The following NLGN1 variants were observed in gnomAD, a reference collection of about 807,000 sequenced individuals.
NLGN1 encodes neuroligin 1.
Under a neutral mutation model 65.5 loss-of-function variants are expected in NLGN1, and 12 were observed. That is an observed-to-expected ratio of 0.18 (90% CI 0.12 to 0.30). The LOEUF (loss-of-function observed/expected upper bound fraction) is 0.30. NLGN1 is among the 10% of genes least tolerant of loss of function. NLGN1 has a pLI of 1.00. For synonymous variants in NLGN1, 350 were observed against 359.5 expected, an observed-to-expected ratio of 0.97 and a Z score of 0.30; for missense variants, 750 against 1,007.1, an observed-to-expected ratio of 0.74 and a Z score of 3.46.
intron 3 of NLGN1, among the ~76,000 whole-genome samples, chr3:173,635,608 A>T (rs1756452446): frequency 6.6e-6 from 1 of 152,140 alleles, no homozygotes; most frequent in Non-Finnish European, 1.5e-5. Context: ...TTTGGAAATA[A>T]ATGATCACCC....
At chr3:173,435,611 C>T (rs1236807090) in intron 2 of NLGN1, among the ~76,000 whole-genome samples, 1 of 152,040 alleles carries the variant, frequency 6.6e-6, no homozygotes, top group Non-Finnish European at 1.5e-5. Flanking sequence ...GAGGTGGGGG[C>T]ATATCACGAG....
At chr3:173,603,837 C>T (rs1258916242) in intron 2 of NLGN1, among the ~76,000 whole-genome samples, 1 of 152,022 alleles carries the variant, frequency 6.6e-6, no homozygotes, top group Admixed American at 6.6e-5. Flanking sequence ...CCAATGCATA[C>T]AATCATTCTT....
At chr3:173,464,029 T>A (rs1332969547) in intron 2 of NLGN1, among the ~76,000 whole-genome samples, 2 of 152,058 alleles carry the variant, frequency 1.3e-5, no homozygotes, top group African/African-American at 4.8e-5. Context: ...TCCTCAATCA[T>A]TTCTAAAGTC....
At chr3:173,926,155 T>A (rs183149810) in intron 4 of NLGN1, among the ~76,000 whole-genome samples, 1 of 152,040 alleles carries the variant, frequency 6.6e-6, no homozygotes, top group East Asian at 1.9e-4. Context: ...TAACTTTAAA[T>A]AGTATTTTTT....
chr3:173,415,940 G>C (rs1302141171), intron 1 of NLGN1, among the ~76,000 whole-genome samples: 1 of 140,236 alleles, frequency 7.1e-6, no homozygotes, highest in Non-Finnish European at 1.6e-5. Flanking sequence ...GAGAGAGAGA[G>C]AGAGCTTGGT....
intron 4 of NLGN1, among the ~76,000 whole-genome samples, chr3:174,142,286 A>G (rs1014700347): frequency 3.9e-5 from 6 of 152,208 alleles, no homozygotes; most frequent in African/African-American, 1.2e-4. Flanking sequence ...ATAATTCACT[A>G]TATGAATTCA....
intron 2 of NLGN1, among the ~76,000 whole-genome samples, chr3:173,470,184 A>T (rs1560299268): frequency 6.6e-6 from 1 of 152,058 alleles, no homozygotes; most frequent in Admixed American, 6.6e-5. Flanking sequence ...TTTTTTAAAC[A>T]GAGAAATCTC....
rs77092325 is a variant in NLGN1, at chr3:174,044,748, T to C, written c.647-230567T>C. ...ACTGTGTCCCCTTCCAAATCTCATATTGATTCGTAGTTCCCATAATCCCTA... is the reference window on the plus strand; with the variant it reads ...ACTGTGTCCCCTTCCAAATCTCATACTGATTCGTAGTTCCCATAATCCCTA... On this transcript the variant is annotated intron_variant, in intron 4 of 6. Coordinates refer to ENST00000457714, the Ensembl canonical transcript of NLGN1. 1.6e-3 allele frequency among the ~76,000 whole-genome samples: 247 copies of C among 152,256 alleles called. 3 individuals are homozygous for C. Among genetic ancestry groups the C allele is most frequent in the East Asian group, 0.013 (67 of 5,174 alleles).
At chr3:173,398,063 G>A (rs1463715222), upstream of NLGN1, 1 of 152,300 alleles carries the variant, frequency 6.6e-6, no homozygotes, top group East Asian at 1.9e-4. Flanking sequence ...TCGGCTGAGA[G>A]GTACAAAAGA....
intron 4 of NLGN1, among the ~76,000 whole-genome samples, chr3:173,924,939 T>G (rs980722317): frequency 2.0e-5 from 3 of 152,186 alleles, no homozygotes; most frequent in African/African-American, 7.2e-5. Context: ...CTAGAATTCC[T>G]TAGAAATATT....
chr3:174,162,693 A>G (rs748203513), intron 4 of NLGN1, among the ~76,000 whole-genome samples: 1 of 151,416 alleles, frequency 6.6e-6, no homozygotes, highest in African/African-American at 2.4e-5. Context: ...ATGAATTAGC[A>G]CTAAGAAATG....
intron 4 of NLGN1, among the ~76,000 whole-genome samples, chr3:173,995,846 C>T (rs545427642): frequency 2.6e-5 from 4 of 151,774 alleles, no homozygotes; most frequent in South Asian, 2.1e-4. Context: ...ATACCATACT[C>T]GGCTAATTTT....
intron 4 of NLGN1, among the ~76,000 whole-genome samples, chr3:173,886,098 C>G (rs1284067295): frequency 6.6e-6 from 1 of 152,094 alleles, no homozygotes; most frequent in East Asian, 1.9e-4. Context: ...TGTGTACACA[C>G]AGACTCTTAT....
intron 4 of NLGN1, among the ~76,000 whole-genome samples, chr3:174,143,707 C>T (rs952032214): frequency 5.9e-5 from 9 of 152,074 alleles, no homozygotes; most frequent in African/African-American, 1.2e-4. Flanking sequence ...TATAAAATTA[C>T]GGTCAGTCAC....
intron 2 of NLGN1, among the ~76,000 whole-genome samples, chr3:173,569,437 A>G (rs1396862931): frequency 6.6e-6 from 1 of 152,022 alleles, no homozygotes; most frequent in Non-Finnish European, 1.5e-5. Context: ...AGTTCTATCA[A>G]AAATCTTTAC....
At chr3:174,237,254 C>G (rs952862532) in intron 4 of NLGN1, among the ~76,000 whole-genome samples, 1 of 152,100 alleles carries the variant, frequency 6.6e-6, no homozygotes, top group African/African-American at 2.4e-5. Context: ...GACCTGAAAG[C>G]TTACATTAAT....
In NLGN1 at chr3:173,896,102, C is replaced by G. The variant is rs79490045; in HGVS notation, c.646+88270C>G. On this transcript the variant is annotated intron_variant, in intron 4 of 6. Transcript: ENST00000457714. Reference sequence around the variant, plus strand: ...TTCCTTTTACCTCTTGGTAAGTCACCATGCTCCATTGGTTCCACTCAGATT... The same window carrying G: ...TTCCTTTTACCTCTTGGTAAGTCACGATGCTCCATTGGTTCCACTCAGATT... Among the ~76,000 whole-genome samples the G allele has an allele frequency of 8.5e-4, 130 of 152,272 alleles. 1 individual carries two copies. In the East Asian group the frequency reaches 0.023, roughly 27 times the overall value.
chr3:173,577,557 T>C (rs2149352388), intron 2 of NLGN1, among the ~76,000 whole-genome samples: 1 of 152,330 alleles, frequency 6.6e-6, no homozygotes, highest in African/African-American at 2.4e-5. Flanking sequence ...TGGGAAACTT[T>C]TATAGAAGAG....
At position 173,525,226 on chromosome 3, in the gene NLGN1, GTTT is replaced by G. The variant is rs557846075; in HGVS notation, c.-320-79049_-320-79047del. Among the ~76,000 whole-genome samples the G allele has an allele frequency of 4.7e-3, 597 of 127,108 alleles. 15 individuals carry two copies. The East Asian group carries it at 0.078, about 17-fold the overall frequency. 83.4% of individuals were successfully genotyped at this position (127,108 alleles called of 152,430 possible). A position where few individuals can be genotyped will look rare whatever the true frequency, so the allele number is the denominator to read the frequency against. On this transcript the variant is annotated intron_variant, in intron 2 of 6. Transcript: ENST00000457714. ...TGTGAATCTGTCTGGTCCTGGGTGGGTTTTTTGTTGTTGTTGTTGTTGTTGTTG... is the reference window on the plus strand; with the variant it reads ...TGTGAATCTGTCTGGTCCTGGGTGGGTTTGTTGTTGTTGTTGTTGTTGTTG...
Sources: allele counts gnomAD v4.1 joint callset (sites outside exome capture counted in the v4.1 genomes callset), GRCh38; gene constraint gnomAD v4.1.1; transcripts MANE v1.5; gene names NCBI Gene and HGNC (gene_info 2026-07-23, HGNC 2026-07-21).